The following WIF1 variants were observed in gnomAD, a reference collection of about 807,000 sequenced individuals.
The protein encoded by WIF1 is Wnt inhibitory factor 1.
Under a neutral mutation model 53.5 loss-of-function variants are expected in WIF1, and 35 were observed. The ratio of observed to expected loss-of-function variants is 0.65; its 90% CI spans 0.50 to 0.87. WIF1 has a LOEUF of 0.87. Ranked by LOEUF, WIF1 falls within the 40% of genes least tolerant of loss-of-function variation. The pLI is 0.00. For synonymous variants in WIF1, 171 were observed against 170.4 expected, an observed-to-expected ratio of 1.00 and a Z score of -0.03; for missense variants, 467 against 476.8, an observed-to-expected ratio of 0.98 and a Z score of 0.19.
chr12:65,090,583 T>C (rs1201844956), intron 2 of WIF1, among the ~76,000 whole-genome samples: 1 of 152,004 alleles, frequency 6.6e-6, no homozygotes, highest in Non-Finnish European at 1.5e-5. Flanking sequence ...ACAGCTTGCT[T>C]GAGAAAGGAT....
intron 3 of WIF1, among the ~76,000 whole-genome samples, chr12:65,074,936 T>C (rs1406383429): frequency 6.7e-6 from 1 of 150,292 alleles, no homozygotes; most frequent in Non-Finnish European, 1.5e-5. Flanking sequence ...GTGGCTGGAG[T>C]GTCTTTCTCT....
At chr12:65,096,807 T>G (rs191832596) in intron 2 of WIF1, among the ~76,000 whole-genome samples, 3 of 151,264 alleles carry the variant, frequency 2.0e-5, no homozygotes, top group Admixed American at 2.0e-4. Flanking sequence ...TAAGTGAGAG[T>G]TGAACAATGA....
chr12:65,066,831 G>A, intron 5 of WIF1, 95 bp from the exon 6 acceptor site: 1 of 773,858 alleles, frequency 1.3e-6, no homozygotes, highest in Non-Finnish European at 1.9e-6. Flanking sequence ...ACATTTTCAA[G>A]CTTTGTGGTT....
chr12:65,068,619 T>C, intron 4 of WIF1, 145 bp downstream of exon 4: 1 of 1,061,904 alleles, frequency 9.4e-7, no homozygotes, highest in East Asian at 2.5e-5. Flanking sequence ...CTTCCGTTGC[T>C]GTAGTTATAG....
At chr12:65,072,007 C>G (rs1882780831) in intron 3 of WIF1, among the ~76,000 whole-genome samples, 2 of 152,048 alleles carry the variant, frequency 1.3e-5, no homozygotes, top group Admixed American at 1.3e-4. Context: ...TGTGCAAACC[C>G]TACTTGTCTT....
At chr12:65,100,565 C>T (rs936244584) in intron 2 of WIF1, among the ~76,000 whole-genome samples, 5 of 151,998 alleles carry the variant, frequency 3.3e-5, no homozygotes, top group African/African-American at 1.2e-4. Context: ...GCCAAGAGCC[C>T]GTAGAATAAT....
chr12:65,102,975 A>G (rs1194761606), intron 2 of WIF1, among the ~76,000 whole-genome samples: 1 of 152,138 alleles, frequency 6.6e-6, no homozygotes, highest in Non-Finnish European at 1.5e-5. Flanking sequence ...ATGATGGGTA[A>G]GTATTTCTAT....
intron 2 of WIF1, among the ~76,000 whole-genome samples, chr12:65,093,645 T>C (rs1883158303): frequency 6.6e-6 from 1 of 152,098 alleles, no homozygotes; most frequent in Non-Finnish European, 1.5e-5. Context: ...CTATAGTTAG[T>C]CAAGCTGATT....
At chr12:65,085,642 C>T (rs1883027181) in intron 2 of WIF1, among the ~76,000 whole-genome samples, 1 of 152,152 alleles carries the variant, frequency 6.6e-6, no homozygotes, top group Non-Finnish European at 1.5e-5. Context: ...ATAGAAGAAA[C>T]ATTGCCTAAA....
intron 2 of WIF1, among the ~76,000 whole-genome samples, chr12:65,080,976 A>G (rs1882940057): frequency 6.6e-6 from 1 of 152,148 alleles, no homozygotes; most frequent in Non-Finnish European, 1.5e-5. Context: ...AATTTAAAAA[A>G]TAAACTTTTA....
chr12:65,070,898 A>C (rs1275748582), intron 3 of WIF1, among the ~76,000 whole-genome samples: 1 of 152,096 alleles, frequency 6.6e-6, no homozygotes, highest in African/African-American at 2.4e-5. Context: ...TTTGTAGGAA[A>C]TTTAGTTAAG....
rs180850314 is a variant in WIF1, at chr12:65,090,971, A to C, written c.289-13117T>G. On this transcript the variant is annotated intron_variant, in intron 2 of 9. Coordinates refer to ENST00000286574, the MANE Select transcript of WIF1 (RefSeq NM_007191.5). The stretch of plus-strand genomic sequence containing the variant: ...GATCAACAGAGGGTCTCTGTAATGC[A>C]TTGTGGGTATAGGGAGTAAGGTTCA... Among the ~76,000 whole-genome samples the C allele has an allele frequency of 7.2e-5, 11 of 152,240 alleles. 1 individual carries two copies. The South Asian group carries it at 1.2e-3, about 17-fold the overall frequency.
Position 65,057,207 on chromosome 12 carries a change from C to A in WIF1, c.827-1081G>T, listed in dbSNP as rs76933025. ...AGGTGCAGTGGCAATGGCTGGTGTG[C>A]AAGGCTGGCCAAGAGGCTGTGAGAT... On this transcript the variant is annotated intron_variant, in intron 7 of 9. Coordinates refer to ENST00000286574, the MANE Select transcript of WIF1 (RefSeq NM_007191.5). Among the ~76,000 whole-genome samples the A allele has an allele frequency of 6.0e-4, 92 of 152,194 alleles. 1 individual carries two copies. In the East Asian group the frequency reaches 0.015, roughly 24 times the overall value.
chr12:65,117,488 A>G (rs1883530200), intron 2 of WIF1, among the ~76,000 whole-genome samples: 2 of 152,070 alleles, frequency 1.3e-5, no homozygotes, highest in African/African-American at 4.8e-5. Flanking sequence ...GTGGTCCCCC[A>G]CCTTTTGGGC....
At chr12:65,082,271 A>G (rs1882961891) in intron 2 of WIF1, among the ~76,000 whole-genome samples, 1 of 152,184 alleles carries the variant, frequency 6.6e-6, no homozygotes, top group South Asian at 2.1e-4. Context: ...AAAGTTTGGG[A>G]ACAATTTCCA....
At chr12:65,111,044 G>T (rs1362013929) in intron 2 of WIF1, among the ~76,000 whole-genome samples, 1 of 152,192 alleles carries the variant, frequency 6.6e-6, no homozygotes, top group Non-Finnish European at 1.5e-5. Flanking sequence ...ACGTGCAAAG[G>T]CCCTGAGGCA....
chr12:65,051,760 C>T (rs1163671861), intron 9 of WIF1, among the ~76,000 whole-genome samples: 1 of 152,152 alleles, frequency 6.6e-6, no homozygotes, highest in Non-Finnish European at 1.5e-5. Context: ...GTATAGTCTC[C>T]ATCCAAGGGC....
intron 6 of WIF1, among the ~76,000 whole-genome samples, chr12:65,064,789 C>T (rs1032200166): frequency 3.9e-5 from 6 of 152,048 alleles, no homozygotes; most frequent in South Asian, 2.1e-4. Flanking sequence ...TTTGTGACAC[C>T]GTAGCACTAG....
At chr12:65,072,789 T>A (rs1447157100) in intron 3 of WIF1, among the ~76,000 whole-genome samples, 1 of 152,174 alleles carries the variant, frequency 6.6e-6, no homozygotes, top group East Asian at 1.9e-4. Flanking sequence ...GTGAAAGTCA[T>A]GTATTTTTGC....
Sources: allele counts gnomAD v4.1 joint callset (sites outside exome capture counted in the v4.1 genomes callset), GRCh38; gene constraint gnomAD v4.1.1; transcripts MANE v1.5; gene names NCBI Gene and HGNC (gene_info 2026-07-23, HGNC 2026-07-21).